The following GPCPD1 variants were observed in gnomAD, a reference collection of about 807,000 sequenced individuals.
GPCPD1 encodes the protein glycerophosphocholine phosphodiesterase 1.
GPCPD1 carries 29 observed loss-of-function variants against 89.2 expected under a neutral mutation model. The ratio of observed to expected loss-of-function variants is 0.33; its 90% CI spans 0.24 to 0.44. GPCPD1 has a LOEUF of 0.44. Ranked by LOEUF, GPCPD1 falls within the 20% of genes least tolerant of loss-of-function variation. GPCPD1 has a pLI of 1.00. For missense variants in GPCPD1, 594 were observed against 808.9 expected (o/e 0.73, Z 3.22); for synonymous variants, 258 against 266.3 (o/e 0.97, Z 0.30).
intron 2 of GPCPD1, among the ~76,000 whole-genome samples, chr20:5,602,994 A>C (rs1258940593): frequency 6.6e-6 from 1 of 151,342 alleles, no homozygotes. Context: ...ATTAAAAAAA[A>C]AAAAAAAAAA....
chr20:5,558,844 A>C (rs762762888), intron 17 of GPCPD1, 25 bp from the exon 18 acceptor site: 1 of 1,509,476 alleles, frequency 6.6e-7, no homozygotes, highest in Non-Finnish European at 9.0e-7. Flanking sequence ...TTTTAAAAAT[A>C]CCTTTCAATG....
chr20:5,567,385 C>A, intron 13 of GPCPD1, 98 bp downstream of exon 13: 1 of 1,348,440 alleles, frequency 7.4e-7, no homozygotes, highest in South Asian at 1.6e-5. Flanking sequence ...TTAAATTTAA[C>A]AGTCATCCCC....
Position 5,566,705 on chromosome 20 carries a change from A to G in GPCPD1, c.1267+28T>C, listed in dbSNP as rs142911795. On this transcript the variant is annotated intron_variant, in intron 14 of 19. Transcript: ENST00000379019. ...TCCTATTAATGCTAACTACAAAAGG[A>G]AAACAGTGTTTCCATATTGGTACAT... The G allele has an allele frequency of 5.0e-4, 694 of 1,383,798 alleles. 3 individuals carry two copies. The African/African-American group carries it at 9.3e-3, about 18-fold the overall frequency. The allele number at this position is 1,383,798 out of a possible 1,614,324, so 85.7% of individuals were successfully genotyped here. A position where few individuals can be genotyped will look rare whatever the true frequency, so the allele number is the denominator to read the frequency against.
rs757598565 is a variant in GPCPD1, at chr20:5,561,536, G to A, written c.1330-6C>T. 4.5e-6 allele frequency: 7 copies of A among 1,567,344 alleles called. No homozygotes were observed. The highest frequency in any genetic ancestry group is 1.1e-5 in the South Asian group (1 of 87,868). ...TCTGGCAAAGACTCTAAAACCTACA[G>A]TTTTGTTTGTTGGTAAATTTTGTTT... is the stretch of plus-strand genomic sequence containing the variant. On this transcript the variant is annotated splice_region_variant and splice_polypyrimidine_tract_variant and intron_variant, in intron 15 of 19. Coordinates refer to ENST00000379019, the MANE Select transcript of GPCPD1 (RefSeq NM_019593.5).
intron 11 of GPCPD1, among the ~76,000 whole-genome samples, chr20:5,572,885 T>A (rs904128797): frequency 1.3e-5 from 2 of 152,012 alleles, no homozygotes; most frequent in Non-Finnish European, 2.9e-5. Context: ...ATTTATTTTT[T>A]AAAAGAGATA....
At chr20:5,560,860 C>T (rs192158434) in intron 16 of GPCPD1, among the ~76,000 whole-genome samples, 323 of 152,286 alleles carry the variant, frequency 2.1e-3, no homozygotes, top group African/African-American at 7.5e-3. Flanking sequence ...TCAATCTGCA[C>T]ATATTCTCTC....
chr20:5,589,567 C>T (rs771592811), intron 4 of GPCPD1, among the ~76,000 whole-genome samples: 2 of 152,136 alleles, frequency 1.3e-5, no homozygotes, highest in Non-Finnish European at 2.9e-5. Context: ...AGCCATTACA[C>T]TCCAGCCTGG....
chr20:5,552,294 C>T (rs1382911870), intron 19 of GPCPD1, among the ~76,000 whole-genome samples: 2 of 152,166 alleles, frequency 1.3e-5, no homozygotes, highest in African/African-American at 4.8e-5. Flanking sequence ...CCCTGATTTA[C>T]ACTCTTGCCT....
chr20:5,554,669 G>A (rs1207691928), intron 19 of GPCPD1, among the ~76,000 whole-genome samples: 2 of 152,198 alleles, frequency 1.3e-5, no homozygotes, highest in Admixed American at 6.5e-5. Context: ...CTCTAACAGA[G>A]ATTGCTGCTT....
In GPCPD1 at chr20:5,561,464, C is replaced by A; in HGVS notation, c.1395+1G>T. 6.5e-7 allele frequency: 1 copy of A among 1,537,260 alleles called. No homozygotes were observed. The highest frequency in any genetic ancestry group is 9.0e-7 in the Non-Finnish European group (1 of 1,111,364). On this transcript the variant is annotated splice_donor_variant, in intron 16 of 19. Transcript: ENST00000379019. LOFTEE classifies it high-confidence loss of function. ...AATGTGCTGCATAGAGAATTACTTA[C>A]CCTTTGCTGGCAGATCCATTTTATT...
chr20:5,596,486 AT>A (rs1388725284), intron 3 of GPCPD1, among the ~76,000 whole-genome samples: 1 of 152,258 alleles, frequency 6.6e-6, no homozygotes, highest in Non-Finnish European at 1.5e-5. Flanking sequence ...GGGTAGTCAT[AT>A]GGTGGTTTAG....
At chr20:5,556,235 T>TCTCA (rs1206860027) in intron 19 of GPCPD1, among the ~76,000 whole-genome samples, 1 of 152,018 alleles carries the variant, frequency 6.6e-6, no homozygotes, top group African/African-American at 2.4e-5. Flanking sequence ...TTAGACAGAG[T>TCTCA]CTCACTCTGT....
chr20:5,598,543 A>T (rs1300051612), intron 3 of GPCPD1, among the ~76,000 whole-genome samples, 182 bp downstream of exon 3: 3 of 152,254 alleles, frequency 2.0e-5, no homozygotes, highest in South Asian at 4.1e-4. Flanking sequence ...GATTAACAGT[A>T]AGAGAGGAAC....
intron 17 of GPCPD1, among the ~76,000 whole-genome samples, chr20:5,559,130 G>A (rs912733529): frequency 1.3e-5 from 2 of 151,030 alleles, no homozygotes; most frequent in African/African-American, 4.9e-5. Flanking sequence ...GAAACCTGAA[G>A]GCAGAGGTTG....
Position 5,559,931 on chromosome 20 carries a change from A to G in GPCPD1, c.1532+9T>C, listed in dbSNP as rs780689330. The G allele has an allele frequency of 1.3e-5, 20 of 1,486,426 alleles. No homozygotes were observed. The highest frequency in any genetic ancestry group is 1.8e-5 in the Non-Finnish European group (20 of 1,096,690). The allele number at this position is 1,486,426 out of a possible 1,614,324, so 92.1% of individuals were successfully genotyped here. ...AAGAGTATAGGAAAAAATACAGAGT[A>G]TTACTCACATTGTGCAAATATCTGC... On this transcript the variant is annotated intron_variant, in intron 17 of 19. Transcript: ENST00000379019.
At chr20:5,565,817 G>A (rs1446532745) in intron 14 of GPCPD1, among the ~76,000 whole-genome samples, 1 of 152,006 alleles carries the variant, frequency 6.6e-6, no homozygotes, top group Non-Finnish European at 1.5e-5. Context: ...AGAATATACA[G>A]CAACTATTGT....
chr20:5,604,431 T>C lies in GPCPD1; in HGVS notation c.-19A>G. On this transcript the variant is annotated 5_prime_UTR_variant, in exon 2 of 20. Transcript: ENST00000379019. ...GTGTCATTCTGATGGATTTATTTTATGATGTCGTGCTAGGAAAAAAAAGAA... is the reference window on the plus strand; with the variant it reads ...GTGTCATTCTGATGGATTTATTTTACGATGTCGTGCTAGGAAAAAAAAGAA... 6.5e-7 allele frequency: 1 copy of C among 1,530,090 alleles called. No individual in the cohort carries two copies. Among genetic ancestry groups the C allele is most frequent in the Non-Finnish European group, 9.0e-7 (1 of 1,110,148 alleles). 94.8% of individuals were successfully genotyped at this position (1,530,090 alleles called of 1,614,324 possible).
chr20:5,567,489 C>A lies in GPCPD1; in HGVS notation c.1221G>T (p.Leu407Phe). The change falls in exon 13 of 20, where the codon TTG (leucine) becomes TTT (phenylalanine). Residue 407 changes from leucine to phenylalanine, a missense_variant. Coordinates refer to ENST00000379019, the MANE Select transcript of GPCPD1 (RefSeq NM_019593.5). ...VKELTFDQLQ[L>F]LKLTHVTALK... ...TTCATGTTATTATTACTACCTTTAA[C>A]AACTGGAGTTGGTCAAATGTTAATT... The A allele has an allele frequency of 6.4e-7, 1 of 1,559,568 alleles. No homozygotes were observed. The highest frequency in any genetic ancestry group is 8.6e-7 in the Non-Finnish European group (1 of 1,161,178).
chr20:5,590,453 G>A (rs1206488110), intron 4 of GPCPD1, among the ~76,000 whole-genome samples: 1 of 150,828 alleles, frequency 6.6e-6, no homozygotes, highest in Non-Finnish European at 1.5e-5. Flanking sequence ...TGAGGCAGAA[G>A]AATCACTTGA....
Sources: gnomAD v4.1 joint callset for allele counts (sites outside exome capture counted in the v4.1 genomes callset) on GRCh38, gnomAD v4.1.1 for gene constraint, MANE v1.5 for transcripts, NCBI Gene and HGNC (gene_info 2026-07-23, HGNC 2026-07-21) for gene names.